Variants in CLYBL observed in about 807,000 individuals in gnomAD.
The protein encoded by CLYBL is citramalyl-CoA lyase.
A neutral mutation model predicts 38.9 loss-of-function variants in CLYBL; 31 were observed. That is an observed-to-expected ratio of 0.80 (90% CI 0.60 to 1.08). The LOEUF (loss-of-function observed/expected upper bound fraction) is 1.08. Ranked by LOEUF, CLYBL falls within the 50% of genes least tolerant of loss-of-function variation. The probability of loss-of-function intolerance (pLI) is 0.00; values close to 1 mark genes in which losing one functional copy is unlikely to be tolerated. For missense variants in CLYBL, 434 were observed against 411.6 expected, an observed-to-expected ratio of 1.05 and a Z score of -0.47; for synonymous variants, 171 against 158.6, an observed-to-expected ratio of 1.08 and a Z score of -0.59.
At chr13:99,826,933 C>A (rs2050706964) in intron 2 of CLYBL, among the ~76,000 whole-genome samples, 1 of 152,216 alleles carries the variant, frequency 6.6e-6, no homozygotes, top group Admixed American at 6.5e-5. Context: ...ATGAAGGTGT[C>A]TTTCCTTGAA....
chr13:99,641,703 T>C (rs1180314998), intron 1 of CLYBL, among the ~76,000 whole-genome samples: 1 of 151,392 alleles, frequency 6.6e-6, no homozygotes, highest in African/African-American at 2.4e-5. Flanking sequence ...TCCCAGCTAC[T>C]TGGGAGGCTG....
intron 2 of CLYBL, among the ~76,000 whole-genome samples, chr13:99,819,521 A>G (rs1049563256): frequency 6.9e-6 from 1 of 145,834 alleles, no homozygotes; most frequent in African/African-American, 2.5e-5. Flanking sequence ...ATATAGATAT[A>G]TAAGAGGGGA....
intron 2 of CLYBL, among the ~76,000 whole-genome samples, chr13:99,777,160 A>T (rs1009561319): frequency 1.3e-5 from 2 of 151,354 alleles, no homozygotes; most frequent in Non-Finnish European, 3.0e-5. Flanking sequence ...ATTACAGGCC[A>T]CCGCACCCAG....
chr13:99,608,847 C>CTTTTTTTTTTTTTTTTTTTTTTTTTTTT (rs57961216), intron 1 of CLYBL, among the ~76,000 whole-genome samples: 4 of 87,876 alleles, frequency 4.6e-5, no homozygotes, highest in Non-Finnish European at 6.0e-5. Context: ...AGTGATGAGT[C>CTTTTTTTTTTTTTTTTTTTTTTTTTTTT]TTTTTTTTTT....
chr13:99,874,270 C>T (rs1378488753), intron 7 of CLYBL, among the ~76,000 whole-genome samples: 1 of 152,192 alleles, frequency 6.6e-6, no homozygotes, highest in East Asian at 1.9e-4. Context: ...ATTAATCAAA[C>T]TGACTTTCTT....
At chr13:99,784,218 GAGA>G (rs879614816) in intron 2 of CLYBL, among the ~76,000 whole-genome samples, 2 of 152,124 alleles carry the variant, frequency 1.3e-5, no homozygotes, top group Non-Finnish European at 1.5e-5. Flanking sequence ...AGCTTAGAGT[GAGA>G]AGGTTTTCCT....
intron 7 of CLYBL, among the ~76,000 whole-genome samples, chr13:99,879,664 G>C (rs2052144170): frequency 6.6e-6 from 1 of 152,230 alleles, no homozygotes; most frequent in Non-Finnish European, 1.5e-5. Flanking sequence ...GGGACAGGAA[G>C]CTTCAGGCAT....
chr13:99,620,806 GAA>G (rs1387629217), intron 1 of CLYBL, among the ~76,000 whole-genome samples: 2 of 140,352 alleles, frequency 1.4e-5, no homozygotes, highest in East Asian at 1.9e-4. Context: ...GAGAGAGAGA[GAA>G]AGAGAGAGAG....
chr13:99,731,005 C>A (rs1332493340), intron 1 of CLYBL, among the ~76,000 whole-genome samples: 2 of 150,528 alleles, frequency 1.3e-5, no homozygotes, highest in African/African-American at 2.5e-5. Context: ...ATCACTTGAG[C>A]CCCGGGGGCT....
intron 2 of CLYBL, among the ~76,000 whole-genome samples, chr13:99,788,603 A>C (rs2049849423): frequency 6.6e-6 from 1 of 152,160 alleles, no homozygotes; most frequent in South Asian, 2.1e-4. Flanking sequence ...TCAGTTTGCC[A>C]GTATTTTATT....
chr13:99,654,071 C>T (rs550669253), intron 1 of CLYBL, among the ~76,000 whole-genome samples: 7 of 152,154 alleles, frequency 4.6e-5, no homozygotes, highest in African/African-American at 7.2e-5. Context: ...TTCCCCAAGG[C>T]GGCTGCTTGG....
chr13:99,780,049 A>C (rs541214871), intron 2 of CLYBL, among the ~76,000 whole-genome samples: 1 of 152,258 alleles, frequency 6.6e-6, no homozygotes, highest in South Asian at 2.1e-4. Context: ...ACCGACTTCT[A>C]TCTGCTTGAT....
At chr13:99,880,076 T>A (rs1192261579) in intron 7 of CLYBL, among the ~76,000 whole-genome samples, 5 of 119,616 alleles carry the variant, frequency 4.2e-5, no homozygotes, top group African/African-American at 8.1e-5. Context: ...ATATTTTTTT[T>A]TTTTTTTTTG....
At chr13:99,699,566 G>A (rs1010684028) in intron 1 of CLYBL, among the ~76,000 whole-genome samples, 13 of 150,592 alleles carry the variant, frequency 8.6e-5, no homozygotes, top group Non-Finnish European at 1.9e-4. Context: ...GGTGGCACGC[G>A]CCTGTAATCC....
At chr13:99,776,571 C>T (rs2049522259) in intron 2 of CLYBL, among the ~76,000 whole-genome samples, 1 of 149,988 alleles carries the variant, frequency 6.7e-6, no homozygotes, top group Non-Finnish European at 1.5e-5. Flanking sequence ...TATTTCACAT[C>T]ATAGCCCTAG....
At position 99,657,530 on chromosome 13, in the gene CLYBL, A is replaced by G. The variant is rs907644079; in HGVS notation, c.62+50773A>G. Reference sequence around the variant, plus strand: ...AAATTCAGATTTGGGGCTTTTTAGGATTAAGGCACAAATGTCTCTTTTCTT... The same window carrying G: ...AAATTCAGATTTGGGGCTTTTTAGGGTTAAGGCACAAATGTCTCTTTTCTT... On this transcript the variant is annotated intron_variant, in intron 1 of 8. Transcript: ENST00000339105. Among the ~76,000 whole-genome samples, 4 of 152,314 alleles carry G rather than the reference A, an allele frequency of 2.6e-5. No homozygotes were observed. The South Asian group carries it at 8.3e-4, about 32-fold the overall frequency.
chr13:99,793,031 A>T (rs2049949321), intron 2 of CLYBL, among the ~76,000 whole-genome samples: 1 of 100,656 alleles, frequency 9.9e-6, no homozygotes, highest in Non-Finnish European at 1.9e-5. Context: ...ATGTGCATAC[A>T]TAACACACAC....
At chr13:99,825,871 T>C (rs1208781395) in intron 2 of CLYBL, among the ~76,000 whole-genome samples, 1 of 152,188 alleles carries the variant, frequency 6.6e-6, no homozygotes, top group Non-Finnish European at 1.5e-5. Flanking sequence ...TCCTGCCCGC[T>C]GTTTCAGTTT....
At chr13:99,716,947 A>G (rs938485387) in intron 1 of CLYBL, among the ~76,000 whole-genome samples, 1 of 149,036 alleles carries the variant, frequency 6.7e-6, no homozygotes, top group African/African-American at 2.5e-5. Context: ...ATGTGCCACC[A>G]CGTCCAGCTA....
Sources: allele counts gnomAD v4.1 joint callset (sites outside exome capture counted in the v4.1 genomes callset), GRCh38; gene constraint gnomAD v4.1.1; transcripts MANE v1.5; gene names NCBI Gene and HGNC (gene_info 2026-07-23, HGNC 2026-07-21).